The following GRIA4 variants were observed in gnomAD, a reference collection of about 807,000 sequenced individuals.
The protein encoded by GRIA4 is glutamate ionotropic receptor AMPA type subunit 4.
A neutral mutation model predicts 104.0 loss-of-function variants in GRIA4; 34 were observed. The observed-to-expected ratio is 0.33, with a 90% CI of 0.25 to 0.44. The LOEUF is 0.44. GRIA4 is among the 20% of genes least tolerant of loss of function. GRIA4 has a pLI of 1.00. For synonymous variants in GRIA4, 386 were observed against 381.9 expected, an observed-to-expected ratio of 1.01 and a Z score of -0.13; for missense variants, 750 against 1,096.5, an observed-to-expected ratio of 0.68 and a Z score of 4.46.
At chr11:105,635,394 C>T (rs1260428885) in intron 3 of GRIA4, among the ~76,000 whole-genome samples, 1 of 152,054 alleles carries the variant, frequency 6.6e-6, no homozygotes, top group Non-Finnish European at 1.5e-5. Context: ...TGTCTTAGTG[C>T]TGATAAATGG....
chr11:105,643,251 G>A (rs1951423720), intron 3 of GRIA4, among the ~76,000 whole-genome samples: 1 of 152,052 alleles, frequency 6.6e-6, no homozygotes, highest in Non-Finnish European at 1.5e-5. Flanking sequence ...GCTCATTACA[G>A]TTTTCTATAT....
chr11:105,950,502 CAT>C (rs1948430656), intron 14 of GRIA4, among the ~76,000 whole-genome samples: 1 of 151,278 alleles, frequency 6.6e-6, no homozygotes, highest in African/African-American at 2.4e-5. Flanking sequence ...CCCAAGATTA[CAT>C]GTCTCAAAAG....
At chr11:105,884,672 G>A in intron 5 of GRIA4, among the ~76,000 whole-genome samples, 1 of 152,164 alleles carries the variant, frequency 6.6e-6, no homozygotes, top group Non-Finnish European at 1.5e-5. Flanking sequence ...TGCATATGGA[G>A]CTCTGCAAGA....
At chr11:105,779,498 A>T (rs2135767109) in intron 4 of GRIA4, among the ~76,000 whole-genome samples, 1 of 152,290 alleles carries the variant, frequency 6.6e-6, no homozygotes, top group African/African-American at 2.4e-5. Context: ...CCTATGAGTG[A>T]GAATATGCGG....
At chr11:105,901,179 A>G (rs1335841427) in intron 7 of GRIA4, among the ~76,000 whole-genome samples, 1 of 152,140 alleles carries the variant, frequency 6.6e-6, no homozygotes, top group Admixed American at 6.5e-5. Flanking sequence ...CAGATATGAT[A>G]TGAAATTTCA....
chr11:105,841,674 CT>C (rs1382556491), intron 4 of GRIA4, among the ~76,000 whole-genome samples: 1 of 152,104 alleles, frequency 6.6e-6, no homozygotes, highest in East Asian at 1.9e-4. Context: ...GTCATCCTGA[CT>C]TGTTAAAATA....
intron 5 of GRIA4, among the ~76,000 whole-genome samples, chr11:105,864,824 C>T (rs931283197): frequency 1.3e-5 from 2 of 151,902 alleles, no homozygotes; most frequent in Non-Finnish European, 2.9e-5. Flanking sequence ...GAGCCGAGAT[C>T]GTGCCATTAC....
chr11:105,816,315 A>C (rs1565259028), intron 4 of GRIA4, among the ~76,000 whole-genome samples: 1 of 152,190 alleles, frequency 6.6e-6, no homozygotes, highest in Non-Finnish European at 1.5e-5. Flanking sequence ...GGTAGGGCCT[A>C]GTGGGAGATA....
chr11:105,734,599 T>G (rs555847134), intron 3 of GRIA4, among the ~76,000 whole-genome samples: 2 of 152,136 alleles, frequency 1.3e-5, no homozygotes, highest in Non-Finnish European at 2.9e-5. Context: ...CAGGGATACT[T>G]AACACTGTTC....
At chr11:105,919,845 T>G (rs1175986291) in intron 11 of GRIA4, among the ~76,000 whole-genome samples, 1 of 152,116 alleles carries the variant, frequency 6.6e-6, no homozygotes. Flanking sequence ...CCAACTTATA[T>G]TTCACCTTCA....
intron 3 of GRIA4, among the ~76,000 whole-genome samples, chr11:105,664,046 G>A (rs1952091302): frequency 6.7e-6 from 1 of 149,604 alleles, no homozygotes; most frequent in South Asian, 2.1e-4. Context: ...TGTATCACTA[G>A]TAGGAAAGAG....
intron 15 of GRIA4, among the ~76,000 whole-genome samples, 171 bp from the exon 16 acceptor site, chr11:105,974,139 G>C (rs1229781959): frequency 6.6e-6 from 1 of 152,110 alleles, no homozygotes; most frequent in Non-Finnish European, 1.5e-5. Context: ...TCTCCCAAGA[G>C]CTATAAGATT....
chr11:105,936,080 G>C (rs1416275889), intron 14 of GRIA4, among the ~76,000 whole-genome samples: 1 of 152,122 alleles, frequency 6.6e-6, no homozygotes, highest in Non-Finnish European at 1.5e-5. Flanking sequence ...GAGAACACTG[G>C]AAGGGCACTG....
At chr11:105,812,617 C>T (rs936355832) in intron 4 of GRIA4, among the ~76,000 whole-genome samples, 1 of 152,074 alleles carries the variant, frequency 6.6e-6, no homozygotes, top group African/African-American at 2.4e-5. Context: ...AGGATGGGAA[C>T]ACAATGTCCC....
intron 3 of GRIA4, among the ~76,000 whole-genome samples, chr11:105,685,904 T>A: frequency 6.6e-6 from 1 of 151,432 alleles, no homozygotes; most frequent in African/African-American, 2.4e-5. Context: ...AAGAAAACAA[T>A]AAACATTTTT....
At chr11:105,949,382 A>C (rs12099201) in intron 14 of GRIA4, among the ~76,000 whole-genome samples, 11,075 of 152,208 alleles carry the variant, frequency 0.073, 533 homozygotes, top group East Asian at 0.15. Flanking sequence ...CACGAGGTTA[A>C]TTCACTGTTA....
chr11:105,972,108 C>T, intron 15 of GRIA4, 80 bp downstream of exon 15: 1 of 819,624 alleles, frequency 1.2e-6, no homozygotes, highest in Non-Finnish European at 2.1e-6. Context: ...ATATGGAAAC[C>T]ATAAAAACTG....
intron 3 of GRIA4, among the ~76,000 whole-genome samples, chr11:105,694,033 T>G (rs1326875692): frequency 6.6e-6 from 1 of 152,186 alleles, no homozygotes; most frequent in African/African-American, 2.4e-5. Flanking sequence ...AATTACTTAT[T>G]TTGCACGAAC....
chr11:105,633,863 C>T (rs1379031635), intron 3 of GRIA4, among the ~76,000 whole-genome samples: 1 of 152,112 alleles, frequency 6.6e-6, no homozygotes, highest in Non-Finnish European at 1.5e-5. Context: ...TGAGAAAGAA[C>T]TAGAAATGAC....
Sources: gnomAD v4.1 joint callset for allele counts (sites outside exome capture counted in the v4.1 genomes callset) on GRCh38, gnomAD v4.1.1 for gene constraint, MANE v1.5 for transcripts, NCBI Gene and HGNC (gene_info 2026-07-23, HGNC 2026-07-21) for gene names.